Variants in FAM135B observed in about 807,000 individuals in gnomAD.
The protein encoded by FAM135B is protein FAM135B.
In FAM135B, 43 loss-of-function variants were observed where a neutral mutation model predicts 127.7. That is an observed-to-expected ratio of 0.34 (90% CI 0.26 to 0.43). The LOEUF (loss-of-function observed/expected upper bound fraction) is 0.43, where lower values mean the gene tolerates loss of function less well. Ranked by LOEUF, FAM135B falls within the 20% of genes least tolerant of loss-of-function variation. The pLI is 1.00. For missense variants in FAM135B, 1,558 were observed against 1,725.6 expected (o/e 0.90, Z 1.72); for synonymous variants, 670 against 665.1 (o/e 1.01, Z -0.11).
chr8:138,330,929 G>A (rs1343613077), intron 2 of FAM135B, among the ~76,000 whole-genome samples: 1 of 151,118 alleles, frequency 6.6e-6, no homozygotes, highest in African/African-American at 2.4e-5. Flanking sequence ...TTCAATCTCC[G>A]CCTCCAGGGT....
At chr8:138,325,386 G>A (rs1431847623) in intron 2 of FAM135B, among the ~76,000 whole-genome samples, 1 of 152,116 alleles carries the variant, frequency 6.6e-6, no homozygotes, top group Non-Finnish European at 1.5e-5. Context: ...TTGTTTTGAA[G>A]AGCCAGTTTT....
intron 2 of FAM135B, among the ~76,000 whole-genome samples, chr8:138,334,555 T>A (rs1828420862): frequency 6.6e-6 from 1 of 152,076 alleles, no homozygotes; most frequent in Non-Finnish European, 1.5e-5. Context: ...ACCTCTACCT[T>A]CCCATAGGGC....
At chr8:138,198,897 T>C (rs1816878376) in intron 7 of FAM135B, among the ~76,000 whole-genome samples, 1 of 152,118 alleles carries the variant, frequency 6.6e-6, no homozygotes, top group Admixed American at 6.5e-5. Flanking sequence ...AGTCCTTGAG[T>C]AGTATGCTCG....
chr8:138,432,747 C>A (rs1222649549), intron 1 of FAM135B, among the ~76,000 whole-genome samples: 1 of 152,018 alleles, frequency 6.6e-6, no homozygotes, highest in South Asian at 2.1e-4. Flanking sequence ...ATAGCTGGTT[C>A]CGATACACAT....
At chr8:138,334,817 A>G (rs903445507) in intron 2 of FAM135B, among the ~76,000 whole-genome samples, 2 of 152,088 alleles carry the variant, frequency 1.3e-5, no homozygotes, top group South Asian at 2.1e-4. Flanking sequence ...GGTTGATTCC[A>G]TCTCTTTGCT....
intron 2 of FAM135B, among the ~76,000 whole-genome samples, chr8:138,362,369 T>G (rs1450817606): frequency 6.6e-6 from 1 of 150,568 alleles, no homozygotes; most frequent in Non-Finnish European, 1.5e-5. Flanking sequence ...CCTCAAGTAG[T>G]ATTGTGCATG....
intron 6 of FAM135B, among the ~76,000 whole-genome samples, chr8:138,250,055 T>G (rs544553633): frequency 1.3e-5 from 2 of 152,192 alleles, no homozygotes; most frequent in South Asian, 4.1e-4. Flanking sequence ...AAGGGAAGAA[T>G]CAAACCATAT....
At chr8:138,356,129 A>G (rs1830074733) in intron 2 of FAM135B, among the ~76,000 whole-genome samples, 1 of 152,132 alleles carries the variant, frequency 6.6e-6, no homozygotes, top group Non-Finnish European at 1.5e-5. Flanking sequence ...TTGATCTTGG[A>G]CTTTCCAGTC....
At chr8:138,433,413 T>G (rs1057221729) in intron 1 of FAM135B, among the ~76,000 whole-genome samples, 4 of 48 alleles carry the variant, frequency 0.083, no homozygotes, top group Admixed American at 0.12. Flanking sequence ...TCCCAGCTAC[T>G]CAGGAGGCTT....
At chr8:138,168,408 T>C (rs1196372469) in intron 11 of FAM135B, among the ~76,000 whole-genome samples, 1 of 152,156 alleles carries the variant, frequency 6.6e-6, no homozygotes, top group Non-Finnish European at 1.5e-5. Context: ...TTGAAAAAAA[T>C]GTAAATGTAT....
chr8:138,437,640 ACT>A (rs1360831247), intron 1 of FAM135B: 1 of 151,922 alleles, frequency 6.6e-6, no homozygotes, highest in Non-Finnish European at 1.5e-5. Flanking sequence ...GGACTAATAC[ACT>A]CTGCCATTTC....
At chr8:138,183,958 C>T (rs539782445) in intron 9 of FAM135B, among the ~76,000 whole-genome samples, 16 of 152,298 alleles carry the variant, frequency 1.1e-4, no homozygotes, top group African/African-American at 1.9e-4. Flanking sequence ...CAGGAATTCA[C>T]GGCTCAGTGG....
At chr8:138,250,749 T>C in intron 6 of FAM135B, 92 bp downstream of exon 6, 1 of 1,402,282 alleles carries the variant, frequency 7.1e-7, no homozygotes, top group South Asian at 1.3e-5. Context: ...CCCTTGCGTG[T>C]GCTGATCTCT....
intron 7 of FAM135B, among the ~76,000 whole-genome samples, chr8:138,229,561 C>T (rs1819749057): frequency 2.0e-5 from 3 of 152,146 alleles, no homozygotes. Context: ...GTGGAAAAGG[C>T]AGCCTTTGTG....
At chr8:138,299,464 C>T (rs778754294) in intron 3 of FAM135B, among the ~76,000 whole-genome samples, 1 of 152,174 alleles carries the variant, frequency 6.6e-6, no homozygotes, top group Non-Finnish European at 1.5e-5. Flanking sequence ...ACTCACCAGG[C>T]CTCACCATTT....
At chr8:138,489,800 T>G (rs1815130607) in intron 1 of FAM135B, among the ~76,000 whole-genome samples, 1 of 152,138 alleles carries the variant, frequency 6.6e-6, no homozygotes, top group Admixed American at 6.6e-5. Context: ...CTTTCTTCCA[T>G]GTGAAACAGC....
intron 3 of FAM135B, among the ~76,000 whole-genome samples, chr8:138,275,682 G>A (rs745840765): frequency 2.6e-5 from 4 of 151,970 alleles, no homozygotes; most frequent in African/African-American, 4.8e-5. Context: ...GTGACAGAAC[G>A]AGAGTTTGTC....
chr8:138,446,034 T>C (rs558824392), intron 1 of FAM135B, among the ~76,000 whole-genome samples: 1 of 152,266 alleles, frequency 6.6e-6, no homozygotes, highest in East Asian at 1.9e-4. Flanking sequence ...AGCCAAATCA[T>C]GAATGAACTC....
At chr8:138,189,587 C>G (rs1400548512) in intron 9 of FAM135B, among the ~76,000 whole-genome samples, 1 of 152,176 alleles carries the variant, frequency 6.6e-6, no homozygotes, top group Non-Finnish European at 1.5e-5. Context: ...CATGGGTACT[C>G]CCCTCTAGAT....
Sources: allele counts gnomAD v4.1 joint callset (sites outside exome capture counted in the v4.1 genomes callset), GRCh38; gene constraint gnomAD v4.1.1; transcripts MANE v1.5; gene names NCBI Gene and HGNC (gene_info 2026-07-23, HGNC 2026-07-21).